The following PHKA1 variants were observed in gnomAD, a reference collection of about 807,000 sequenced individuals.
PHKA1 encodes the protein phosphorylase kinase regulatory subunit alpha 1.
A neutral mutation model predicts 110.2 loss-of-function variants in PHKA1; 60 were observed. That is an observed-to-expected ratio of 0.54 (90% CI 0.44 to 0.68). The LOEUF (loss-of-function observed/expected upper bound fraction) is 0.68. Among genes scored for constraint, PHKA1 ranks in the 30% least tolerant of loss-of-function variants. The probability of loss-of-function intolerance (pLI) is 0.00; values close to 1 mark genes in which losing one functional copy is unlikely to be tolerated. For synonymous variants in PHKA1, 316 were observed against 333.6 expected (o/e 0.95, Z 0.58); for missense variants, 801 against 942.5 (o/e 0.85, Z 1.97).
chrX:72,640,674 G>C (rs2053285969), intron 14 of PHKA1, among the ~76,000 whole-genome samples: 1 of 111,888 alleles, frequency 8.9e-6, no homozygotes, highest in Non-Finnish European at 1.9e-5. Flanking sequence ...GTGCTTGTCT[G>C]TTTTCCAGTT....
intron 11 of PHKA1, 133 bp from the exon 12 acceptor site, chrX:72,652,784 A>G: frequency 2.0e-6 from 1 of 511,436 alleles, no homozygotes. Flanking sequence ...GTGAAGCACT[A>G]TCACTATAAT....
intron 3 of PHKA1, 23 bp from the exon 4 acceptor site, chrX:72,695,899 A>G (rs1556327142): frequency 6.8e-6 from 8 of 1,170,436 alleles, no homozygotes; most frequent in Non-Finnish European, 9.3e-6. Flanking sequence ...AAAACATTAA[A>G]AGAAGGATAT....
At chrX:72,642,338 G>A (rs2053306911) in intron 14 of PHKA1, among the ~76,000 whole-genome samples, 1 of 111,568 alleles carries the variant, frequency 9.0e-6, no homozygotes, top group African/African-American at 3.3e-5. Context: ...ATGAGGCAAT[G>A]GGTAAAATTA....
At chrX:72,700,094 A>G (rs898990234) in intron 3 of PHKA1, among the ~76,000 whole-genome samples, 1 of 112,215 alleles carries the variant, frequency 8.9e-6, no homozygotes, top group African/African-American at 3.2e-5. Context: ...ATATTTTATA[A>G]TCAAGGTTAA....
chrX:72,623,712 A>T (rs1329536952), intron 17 of PHKA1, among the ~76,000 whole-genome samples: 1 of 111,462 alleles, frequency 9.0e-6, no homozygotes, highest in Non-Finnish European at 1.9e-5. Flanking sequence ...ATTATAGTAG[A>T]CTGTAAGCCA....
intron 29 of PHKA1, among the ~76,000 whole-genome samples, chrX:72,589,135 G>A (rs1033971586): frequency 9.0e-6 from 1 of 111,512 alleles, no homozygotes; most frequent in Non-Finnish European, 1.9e-5. Context: ...AAAAGAGAAT[G>A]TTAGACCAAT....
intron 3 of PHKA1, among the ~76,000 whole-genome samples, chrX:72,704,394 T>C (rs2054248897): frequency 9.0e-6 from 1 of 111,536 alleles, no homozygotes; most frequent in Admixed American, 9.5e-5. Flanking sequence ...TGTTTCTGAT[T>C]ATAGAGTGCT....
At position 72,623,238 on chromosome X, in the gene PHKA1, ATGT is replaced by A. The variant is rs1556280144; in HGVS notation, c.1828_1830del (p.Thr610del). On this transcript the variant is annotated inframe_deletion, in exon 18 of 32. Transcript: ENST00000373542. Reference sequence around the variant, plus strand: ...ATGAAGCTCAAGTGTGTGCAACAAGATGTTGTCAAAAACTCTGACAATTTACCT... The same window carrying A: ...ATGAAGCTCAAGTGTGTGCAACAAGATGTCAAAAACTCTGACAATTTACCT... The A allele has an allele frequency of 8.3e-7, 1 of 1,210,549 alleles. No homozygotes were observed.
chrX:72,670,693 A>G (rs1455740380), intron 6 of PHKA1, among the ~76,000 whole-genome samples: 12 of 112,069 alleles, frequency 1.1e-4, no homozygotes, highest in Non-Finnish European at 2.1e-4. Flanking sequence ...TCAATAAAAT[A>G]CTGGTAAACC....
At chrX:72,692,143 T>G (rs185009459) in intron 4 of PHKA1, among the ~76,000 whole-genome samples, 3 of 112,326 alleles carry the variant, frequency 2.7e-5, no homozygotes, top group Admixed American at 1.9e-4. Context: ...TCCACTGACA[T>G]GATGTATTGC....
At chrX:72,629,306 C>T (rs1224516140) in intron 16 of PHKA1, among the ~76,000 whole-genome samples, 2 of 111,729 alleles carry the variant, frequency 1.8e-5, no homozygotes, top group Non-Finnish European at 3.8e-5. Context: ...TTTTCTCATA[C>T]ACTTTTATAA....
At chrX:72,606,354 G>GTA (rs1556251477) in intron 23 of PHKA1, among the ~76,000 whole-genome samples, 2 of 101,130 alleles carry the variant, frequency 2.0e-5, no homozygotes, top group Admixed American at 2.1e-4. Context: ...TCACACACAT[G>GTA]CACACACACA....
intron 4 of PHKA1, 80 bp downstream of exon 4, chrX:72,695,628 G>A (rs1413838581): frequency 1.0e-6 from 1 of 1,001,122 alleles, no homozygotes; most frequent in African/African-American, 1.9e-5. Context: ...AGCCTTCCCG[G>A]TTCTCAATTT....
rs782480490 is a variant in PHKA1 at position 72,667,492 on chromosome X, A to T, written c.619-19T>A. ...GGGCTGCCTGTGAGGAACAAGAAAG[A>T]AATGGACAAGTTTAGCATTAGAAAG... is the stretch of plus-strand genomic sequence containing the variant. On this transcript the variant is annotated intron_variant, in intron 6 of 31. Coordinates refer to ENST00000373542, the MANE Select transcript of PHKA1 (RefSeq NM_002637.4). 2.7e-6 allele frequency: 3 copies of T among 1,128,887 alleles called. No homozygotes were observed. In the South Asian group the frequency reaches 5.5e-5, roughly 21 times the overall value. 93.0% of individuals were successfully genotyped at this position (1,128,887 alleles called of 1,213,427 possible). A position where few individuals can be genotyped will look rare whatever the true frequency, so the allele number is the denominator to read the frequency against.
chrX:72,586,852 T>C (rs1161518984), intron 29 of PHKA1, among the ~76,000 whole-genome samples: 1 of 109,434 alleles, frequency 9.1e-6, no homozygotes, highest in Middle Eastern at 4.2e-3. Flanking sequence ...ACTGAATTAA[T>C]GAAATAAAGC....
chrX:72,643,394 A>G (rs1556296285), intron 14 of PHKA1, among the ~76,000 whole-genome samples: 1 of 111,731 alleles, frequency 9.0e-6, no homozygotes, highest in Non-Finnish European at 1.9e-5. Flanking sequence ...TTGGTTCTAT[A>G]ACAAATTACC....
intron 8 of PHKA1, among the ~76,000 whole-genome samples, chrX:72,661,059 A>G (rs1433898543): frequency 1.8e-5 from 2 of 112,410 alleles, no homozygotes; most frequent in Non-Finnish European, 3.8e-5. Flanking sequence ...TTAATAAAGA[A>G]CAAAACCAAT....
intron 6 of PHKA1, among the ~76,000 whole-genome samples, chrX:72,673,403 G>A (rs1437680050): frequency 9.0e-6 from 1 of 111,608 alleles, no homozygotes; most frequent in Non-Finnish European, 1.9e-5. Context: ...GGAATTCTTT[G>A]TACAATTATT....
intron 21 of PHKA1, among the ~76,000 whole-genome samples, chrX:72,615,596 A>G (rs1483488530): frequency 1.8e-5 from 2 of 110,205 alleles, no homozygotes; most frequent in African/African-American, 6.6e-5. Context: ...GCAAAAACAT[A>G]TAATAGATAT....
Sources: allele counts gnomAD v4.1 joint callset (sites outside exome capture counted in the v4.1 genomes callset), GRCh38; gene constraint gnomAD v4.1.1; transcripts MANE v1.5; gene names NCBI Gene and HGNC (gene_info 2026-07-23, HGNC 2026-07-21).